ZNF608: variants seen among roughly 807,000 people sequenced by gnomAD.
ZNF608 encodes renal carcinoma antigen NY-REN-36.
ZNF608 carries 12 observed loss-of-function variants against 109.0 expected under a neutral mutation model. That is an observed-to-expected ratio of 0.11 (90% CI 0.07 to 0.18). The LOEUF (loss-of-function observed/expected upper bound fraction) is 0.18. Ranked by LOEUF, ZNF608 falls within the 10% of genes least tolerant of loss-of-function variation. The pLI, the probability that ZNF608 is intolerant of heterozygous loss-of-function variation, is 1.00. For missense variants in ZNF608, 1,707 were observed against 1,879.3 expected, an observed-to-expected ratio of 0.91 and a Z score of 1.70; for synonymous variants, 732 against 717.4, an observed-to-expected ratio of 1.02 and a Z score of -0.33.
chr5:124,703,284 G>A (rs1464839108), intron 2 of ZNF608, among the ~76,000 whole-genome samples: 1 of 152,182 alleles, frequency 6.6e-6, no homozygotes, highest in Admixed American at 6.5e-5. Context: ...ATAGGAAAAT[G>A]AAATAAAATT....
intron 3 of ZNF608, among the ~76,000 whole-genome samples, chr5:124,693,227 C>T (rs951635848): frequency 1.3e-5 from 2 of 152,066 alleles, no homozygotes; most frequent in African/African-American, 4.8e-5. Context: ...TAATCAAATG[C>T]CTACCTATGA....
chr5:124,720,387 T>A (rs1312451019), intron 2 of ZNF608, among the ~76,000 whole-genome samples: 1 of 152,198 alleles, frequency 6.6e-6, no homozygotes, highest in East Asian at 1.9e-4. Context: ...TGAAGTTTCT[T>A]TTTTCTACCA....
At chr5:124,725,251 C>T (rs1418715917) in intron 2 of ZNF608, among the ~76,000 whole-genome samples, 2 of 151,880 alleles carry the variant, frequency 1.3e-5, no homozygotes, top group East Asian at 1.9e-4. Flanking sequence ...CTGCTTGATT[C>T]TCCCTTATAG....
chr5:124,708,197 T>C (rs1290133967), intron 2 of ZNF608, among the ~76,000 whole-genome samples: 1 of 152,208 alleles, frequency 6.6e-6, no homozygotes, highest in African/African-American at 2.4e-5. Context: ...TTTTAACACA[T>C]ACAACATAGA....
chr5:124,651,617 A>G (rs1397537199), intron 3 of ZNF608, among the ~76,000 whole-genome samples: 2 of 152,276 alleles, frequency 1.3e-5, no homozygotes, highest in African/African-American at 2.4e-5. Flanking sequence ...TCTTGCAGTA[A>G]TAAAATTAAA....
rs189925413 is a variant in ZNF608 at position 124,656,915 on chromosome 5, C to T, written c.1163-7218G>A. Among the ~76,000 whole-genome samples, 462 of 151,972 alleles carry T rather than the reference C, an allele frequency of 3.0e-3. 2 individuals are homozygous for T. Among genetic ancestry groups the T allele is most frequent in the African/African-American group, 0.011 (448 of 41,432 alleles). On this transcript the variant is annotated intron_variant, in intron 3 of 9. Transcript: ENST00000513986. ...TAATACACAAAAGAACACAGAGCCA[C>T]TTCCATCACTGTCACCTCCCCTGCA...
At chr5:124,697,652 A>G (rs1752905082) in intron 3 of ZNF608, among the ~76,000 whole-genome samples, 1 of 152,190 alleles carries the variant, frequency 6.6e-6, no homozygotes, top group Non-Finnish European at 1.5e-5. Flanking sequence ...CCTGAGCACA[A>G]CTTGGTTCTT....
At chr5:124,659,195 T>C (rs1751144166) in intron 3 of ZNF608, among the ~76,000 whole-genome samples, 2 of 151,520 alleles carry the variant, frequency 1.3e-5, no homozygotes, top group South Asian at 4.2e-4. Flanking sequence ...ACCCAAGCTC[T>C]CCACGATGCC....
At chr5:124,748,692 G>T, upstream of ZNF608, 2 of 615,814 alleles carry the variant, frequency 3.2e-6, no homozygotes, top group Non-Finnish European at 4.1e-6. Context: ...TTTTATAAAA[G>T]CAAAAATTAA....
chr5:124,639,267 A>G, intron 8 of ZNF608, 53 bp from the exon 9 acceptor site: 1 of 1,543,060 alleles, frequency 6.5e-7, no homozygotes. Context: ...ATAAGAGTAG[A>G]TACAGGCCCA....
chr5:124,657,661 C>A (rs1293707871), intron 3 of ZNF608, among the ~76,000 whole-genome samples: 1 of 151,876 alleles, frequency 6.6e-6, no homozygotes, highest in Admixed American at 6.6e-5. Context: ...GGCGACAGAG[C>A]GAGACTCCAT....
chr5:124,721,977 T>TAAAAAAAAAAAAAAAAAAAA (rs1753939858), intron 2 of ZNF608, among the ~76,000 whole-genome samples: 1 of 58,136 alleles, frequency 1.7e-5, no homozygotes, highest in Non-Finnish European at 3.7e-5. Flanking sequence ...AAAAAAGAAC[T>TAAAAAAAAAAAAAAAAAAAA]CAAAGCCAAA....
intron 3 of ZNF608, among the ~76,000 whole-genome samples, chr5:124,678,006 G>A (rs1199596300): frequency 2.0e-5 from 3 of 152,020 alleles, no homozygotes; most frequent in Admixed American, 6.6e-5. Context: ...TTTACTGCAG[G>A]CTCTTAATTC....
In ZNF608 at chr5:124,744,372, A is replaced by G; in HGVS notation, c.618T>C (p.Asp206=). The change falls in exon 2 of 10, where the codon GAT becomes GAC. Residue 206 remains aspartate (D), a synonymous_variant. Coordinates refer to ENST00000513986, the MANE Select transcript of ZNF608 (RefSeq NM_020747.3). This position sits in a 1 kb window ranked among gnomAD's most constrained non-coding sequence, Gnocchi z 4.5. ...QSSRGAKRDK[D]AGKSRKDKHD... is the part of the protein sequence containing the mutation. ...GCTTGTCCTTCCTGGATTTCCCCGC[A>G]TCCTTATCCCGCTTGGCGCCTCGGC... The G allele has an allele frequency of 6.2e-7, 1 of 1,614,176 alleles. No individual in the cohort carries two copies. Among genetic ancestry groups the G allele is most frequent in the Non-Finnish European group, 8.5e-7 (1 of 1,180,040 alleles).
At chr5:124,694,882 G>A (rs1036571568) in intron 3 of ZNF608, among the ~76,000 whole-genome samples, 1 of 152,146 alleles carries the variant, frequency 6.6e-6, no homozygotes. Flanking sequence ...CACTTTCACT[G>A]ACAACTTCCA....
At chr5:124,714,514 G>A (rs1483148257) in intron 2 of ZNF608, among the ~76,000 whole-genome samples, 1 of 152,140 alleles carries the variant, frequency 6.6e-6, no homozygotes, top group East Asian at 1.9e-4. Flanking sequence ...TGTGGTCTCT[G>A]TGCTTCAATC....
Position 124,744,370 on chromosome 5 carries a change from G to T in ZNF608, c.620C>A (p.Ala207Glu). The T allele has an allele frequency of 6.2e-7, 1 of 1,614,216 alleles. No individual in the cohort carries two copies. Among genetic ancestry groups the T allele is most frequent in the South Asian group, 1.1e-5 (1 of 91,092 alleles). ...SSRGAKRDKDAGKSRKDKHDL... is the reference protein window; with the variant it reads ...SSRGAKRDKDEGKSRKDKHDL... ...GTGCTTGTCCTTCCTGGATTTCCCC[G>T]CATCCTTATCCCGCTTGGCGCCTCG... is the stretch of plus-strand genomic sequence containing the variant. Residue 207 changes from alanine (A) to glutamate (E), a missense_variant, in exon 2 of 10, where the codon GCG (alanine) becomes GAG (glutamate). Ala to Glu is a moderately radical substitution (Grantham distance 107). Transcript: ENST00000513986. This position sits in a 1 kb window ranked among gnomAD's most constrained non-coding sequence, Gnocchi z 4.5.
At chr5:124,724,907 C>A (rs1400853065) in intron 2 of ZNF608, among the ~76,000 whole-genome samples, 1 of 152,148 alleles carries the variant, frequency 6.6e-6, no homozygotes, top group Non-Finnish European at 1.5e-5. Context: ...CAGCCTGTCC[C>A]TCCTCTGCGC....
intron 2 of ZNF608, among the ~76,000 whole-genome samples, chr5:124,723,006 A>C (rs1753991775): frequency 6.6e-6 from 1 of 152,008 alleles, no homozygotes; most frequent in Non-Finnish European, 1.5e-5. Context: ...ACTACCATAA[A>C]AGCAGTAGGA....
Sources: allele counts gnomAD v4.1 joint callset (sites outside exome capture counted in the v4.1 genomes callset), GRCh38; gene constraint gnomAD v4.1.1; non-coding constraint Gnocchi (gnomAD v3.1); transcripts MANE v1.5; gene names NCBI Gene and HGNC (gene_info 2026-07-23, HGNC 2026-07-21).